The following SLC2A14 variants were observed in gnomAD, a reference collection of about 807,000 sequenced individuals.
SLC2A14 encodes the protein solute carrier family 2 member 14.
SLC2A14 carries 13 observed loss-of-function variants against 43.0 expected under a neutral mutation model. That is an observed-to-expected ratio of 0.30 (90% CI 0.20 to 0.48). The LOEUF (loss-of-function observed/expected upper bound fraction) is 0.48. Ranked by LOEUF, SLC2A14 falls within the 20% of genes least tolerant of loss-of-function variation. The pLI is 0.99. For synonymous variants in SLC2A14, 190 were observed against 233.8 expected (o/e 0.81, Z 1.71); for missense variants, 428 against 620.4 (o/e 0.69, Z 3.29).
rs983801851 is a variant in SLC2A14, at chr12:7,854,461, T to C, written c.18+15402A>G. On this transcript the variant is annotated intron_variant, in intron 2 of 10. Transcript: ENST00000431042. Reference sequence around the variant, plus strand: ...GAAGTAGTCTCCTAATGAGTCTCACTGATTCCTCTCTTTTCTTTTGTTTTT... The same window carrying C: ...GAAGTAGTCTCCTAATGAGTCTCACCGATTCCTCTCTTTTCTTTTGTTTTT... Among the ~76,000 whole-genome samples the C allele has an allele frequency of 1.1e-4, 16 of 152,162 alleles. 1 individual carries two copies. The highest frequency in any genetic ancestry group is 7.2e-4 in the Admixed American group (11 of 15,264).
intron 1 of SLC2A14, among the ~76,000 whole-genome samples, chr12:7,880,512 T>C (rs117006185): frequency 0.021 from 3,211 of 151,044 alleles, 60 homozygotes; most frequent in Non-Finnish European, 0.033. Context: ...TATTAATCAA[T>C]ATTGATAACA....
At chr12:7,844,313 T>C (rs775596179) in intron 2 of SLC2A14, among the ~76,000 whole-genome samples, 5 of 152,268 alleles carry the variant, frequency 3.3e-5, no homozygotes, top group African/African-American at 4.8e-5. Context: ...TGTGGTGGTG[T>C]TGGTAGTTCA....
At chr12:7,852,713 C>G (rs1398025379) in intron 2 of SLC2A14, among the ~76,000 whole-genome samples, 1 of 152,062 alleles carries the variant, frequency 6.6e-6, no homozygotes, top group Non-Finnish European at 1.5e-5. Context: ...TGCCAAATGT[C>G]CACTGGGAGC....
chr12:7,887,199 A>G (rs2121125092), intron 1 of SLC2A14, among the ~76,000 whole-genome samples: 1 of 152,182 alleles, frequency 6.6e-6, no homozygotes, highest in East Asian at 1.9e-4. Flanking sequence ...GGCATGAGCC[A>G]CCGCGCCCGG....
chr12:7,855,661 A>G (rs1867303291), intron 2 of SLC2A14, among the ~76,000 whole-genome samples: 1 of 144,384 alleles, frequency 6.9e-6, no homozygotes, highest in Non-Finnish European at 1.6e-5. Context: ...TTGTTGAGAC[A>G]GGGTCTCACT....
intron 2 of SLC2A14, among the ~76,000 whole-genome samples, chr12:7,863,867 G>A (rs934608881): frequency 1.3e-5 from 2 of 150,704 alleles, no homozygotes; most frequent in African/African-American, 4.9e-5. Flanking sequence ...CCAGGCTGGG[G>A]TGCAGTGGCA....
chr12:7,878,976 C>CAAAAAAAA (rs58838986), intron 1 of SLC2A14, among the ~76,000 whole-genome samples: 9 of 69,320 alleles, frequency 1.3e-4, no homozygotes, highest in East Asian at 3.7e-4. Context: ...GAGTCCGTCT[C>CAAAAAAAA]AAAAAAAAAA....
chr12:7,818,675 CA>C (rs1263343875), intron 9 of SLC2A14, among the ~76,000 whole-genome samples: 1 of 142,888 alleles, frequency 7.0e-6, no homozygotes, highest in East Asian at 2.0e-4. Flanking sequence ...AAACAAAAAA[CA>C]AAAACAAAAA....
At chr12:7,883,938 G>T (rs59623252) in intron 1 of SLC2A14, among the ~76,000 whole-genome samples, 9 of 102,156 alleles carry the variant, frequency 8.8e-5, no homozygotes, top group African/African-American at 1.9e-4. Context: ...CTTTTTTTTT[G>T]TTTGAGGCGG....
At chr12:7,873,367 C>T, upstream of SLC2A14, 1 of 985,178 alleles carries the variant, frequency 1.0e-6, no homozygotes, top group Non-Finnish European at 1.2e-6. Context: ...TCGGGCCGCG[C>T]ACGGTGGCTC....
In SLC2A14 at chr12:7,840,160, CTTTTTTTTTTTT is replaced by C. The variant is rs58740298; in HGVS notation, c.19-7358_19-7347del. Among the ~76,000 whole-genome samples the C allele has an allele frequency of 4.7e-4, 32 of 68,788 alleles. 1 individual carries two copies. Among genetic ancestry groups the C allele is most frequent in the South Asian group, 7.6e-4 (1 of 1,310 alleles). 45.1% of individuals were successfully genotyped at this position (68,788 alleles called of 152,430 possible). A position where few individuals can be genotyped will look rare whatever the true frequency, so the allele number is the denominator to read the frequency against. ...TGGGGGGACTTCAGAGAGTTTGCTCCTTTTTTTTTTTTTTTTTTTTTTTTTTGCCCTTCTGCC... is the reference window on the plus strand; with the variant it reads ...TGGGGGGACTTCAGAGAGTTTGCTCCTTTTTTTTTTTTTTGCCCTTCTGCC... On this transcript the variant is annotated intron_variant, in intron 2 of 10. Transcript: ENST00000431042.
At chr12:7,815,236 C>T (rs1863330023) in intron 10 of SLC2A14, among the ~76,000 whole-genome samples, 1 of 151,686 alleles carries the variant, frequency 6.6e-6, no homozygotes, top group African/African-American at 2.4e-5. Context: ...CATGGCAAAA[C>T]CCCGTCTCTA....
chr12:7,869,294 G>A (rs1278153396), intron 2 of SLC2A14, among the ~76,000 whole-genome samples: 1 of 152,096 alleles, frequency 6.6e-6, no homozygotes, highest in Non-Finnish European at 1.5e-5. Context: ...CTTTCCAGAG[G>A]TGAGCACATG....
intron 2 of SLC2A14, among the ~76,000 whole-genome samples, chr12:7,863,200 G>C (rs968035734): frequency 6.6e-6 from 1 of 151,998 alleles, no homozygotes; most frequent in African/African-American, 2.4e-5. Context: ...AGGAACGAAC[G>C]ACTCCTGACG....
At chr12:7,848,310 G>A (rs186644169) in intron 2 of SLC2A14, among the ~76,000 whole-genome samples, 1 of 152,072 alleles carries the variant, frequency 6.6e-6, no homozygotes, top group East Asian at 1.9e-4. Context: ...ATGTCCCTTA[G>A]ACACAGCTCT....
intron 1 of SLC2A14, among the ~76,000 whole-genome samples, chr12:7,882,129 G>A (rs1014994041): frequency 2.6e-5 from 4 of 152,174 alleles, no homozygotes; most frequent in East Asian, 1.9e-4. Context: ...TCTTGTTGCT[G>A]CTCAGTTTTT....
upstream of SLC2A14, among the ~76,000 whole-genome samples, chr12:7,875,998 G>A (rs1010334277): frequency 2.0e-5 from 3 of 151,210 alleles, no homozygotes; most frequent in Non-Finnish European, 2.9e-5. Flanking sequence ...GAGACACCAA[G>A]CTGGGTGCGG....
At chr12:7,864,242 T>C (rs1944783355) in intron 2 of SLC2A14, among the ~76,000 whole-genome samples, 1 of 152,150 alleles carries the variant, frequency 6.6e-6, no homozygotes, top group Admixed American at 6.6e-5. Flanking sequence ...TTTCACCATA[T>C]ACATGGGGCC....
At chr12:7,832,178 C>T (rs1038382069) in intron 3 of SLC2A14, among the ~76,000 whole-genome samples, 5 of 152,118 alleles carry the variant, frequency 3.3e-5, no homozygotes, top group Admixed American at 3.3e-4. Flanking sequence ...AATAAATAGA[C>T]GGGAATTGAA....
Sources: allele counts gnomAD v4.1 joint callset (sites outside exome capture counted in the v4.1 genomes callset), GRCh38; gene constraint gnomAD v4.1.1; transcripts MANE v1.5; gene names NCBI Gene and HGNC (gene_info 2026-07-23, HGNC 2026-07-21).